TRHDE: variants seen among roughly 807,000 people sequenced by gnomAD.
TRHDE encodes the protein thyrotropin-releasing hormone-degrading ectoenzyme.
A neutral mutation model predicts 125.7 loss-of-function variants in TRHDE; 72 were observed. The ratio of observed to expected loss-of-function variants is 0.57; its 90% CI spans 0.47 to 0.70. The LOEUF is 0.70. TRHDE is among the 30% of genes least tolerant of loss of function. The probability of loss-of-function intolerance (pLI) is 0.00; values close to 1 mark genes in which losing one functional copy is unlikely to be tolerated. For synonymous variants in TRHDE, 509 were observed against 509.1 expected (o/e 1.00, Z 0.00); for missense variants, 1,110 against 1,327.1 (o/e 0.84, Z 2.54).
intron 3 of TRHDE, among the ~76,000 whole-genome samples, chr12:72,458,074 A>T (rs1166080109): frequency 6.6e-6 from 1 of 152,148 alleles, no homozygotes; most frequent in Non-Finnish European, 1.5e-5. Flanking sequence ...AGAGCCGATT[A>T]TGAGAACCCC....
intron 2 of TRHDE, among the ~76,000 whole-genome samples, chr12:72,178,081 T>A (rs1220852781): frequency 6.6e-6 from 1 of 152,172 alleles, no homozygotes; most frequent in Admixed American, 6.5e-5. Flanking sequence ...CACCATTAAT[T>A]GAAATGTTTG....
chr12:72,159,406 A>G (rs1302631758), intron 2 of TRHDE, among the ~76,000 whole-genome samples: 1 of 152,236 alleles, frequency 6.6e-6, no homozygotes, highest in African/African-American at 2.4e-5. Flanking sequence ...GGAATGACCC[A>G]GCCACATGAA....
chr12:72,603,575 A>T (rs1451917732), intron 12 of TRHDE, among the ~76,000 whole-genome samples: 1 of 152,040 alleles, frequency 6.6e-6, no homozygotes. Context: ...AATACAAAAA[A>T]TTAGCCGGGC....
chr12:72,248,372 C>T (rs1233820563), intron 2 of TRHDE, among the ~76,000 whole-genome samples: 10 of 141,396 alleles, frequency 7.1e-5, no homozygotes, highest in Admixed American at 3.0e-4. Context: ...GAGCCGAGAT[C>T]GCGCCACTGC....
At chr12:72,317,862 A>T (rs1296933320) in intron 2 of TRHDE, among the ~76,000 whole-genome samples, 1 of 152,128 alleles carries the variant, frequency 6.6e-6, no homozygotes, top group Non-Finnish European at 1.5e-5. Flanking sequence ...CTGTGGTAAG[A>T]CGTTCAAGAT....
chr12:72,515,571 T>C (rs568793619), intron 6 of TRHDE, among the ~76,000 whole-genome samples: 1 of 152,184 alleles, frequency 6.6e-6, no homozygotes, highest in Non-Finnish European at 1.5e-5. Flanking sequence ...TTGCGAAAAT[T>C]TTCTCCCATG....
intron 2 of TRHDE, among the ~76,000 whole-genome samples, chr12:72,311,929 T>C (rs1692012518): frequency 6.6e-6 from 1 of 152,146 alleles, no homozygotes; most frequent in Non-Finnish European, 1.5e-5. Context: ...TTTATTCGTA[T>C]TTTCTTCATT....
chr12:72,283,619 T>A (rs1194292542), intron 1 of TRHDE, among the ~76,000 whole-genome samples: 2 of 152,148 alleles, frequency 1.3e-5, no homozygotes, highest in Non-Finnish European at 1.5e-5. Context: ...AATTGCTACC[T>A]TCCCTAACAT....
At chr12:72,562,827 T>C (rs527410091) in intron 8 of TRHDE, 26 bp from the exon 9 acceptor site, 5 of 1,442,580 alleles carry the variant, frequency 3.5e-6, no homozygotes, top group South Asian at 1.3e-5. Flanking sequence ...TTTATAAAAC[T>C]AATTTGTACA....
At chr12:72,134,935 G>A (rs1875946807) in intron 2 of TRHDE, among the ~76,000 whole-genome samples, 1 of 151,950 alleles carries the variant, frequency 6.6e-6, no homozygotes, top group Non-Finnish European at 1.5e-5. Context: ...CCAACAAAAT[G>A]GTAATATGTC....
At chr12:72,225,826 C>T (rs1878117932) in intron 2 of TRHDE, among the ~76,000 whole-genome samples, 1 of 152,052 alleles carries the variant, frequency 6.6e-6, no homozygotes. Context: ...TTGTATTTTT[C>T]CCAGGGGTTG....
chr12:72,651,055 A>ATGTC (rs1171258758), intron 15 of TRHDE, among the ~76,000 whole-genome samples: 1 of 152,140 alleles, frequency 6.6e-6, no homozygotes, highest in African/African-American at 2.4e-5. Context: ...GGTTTATTCT[A>ATGTC]TGTCTGTGTT....
intron 12 of TRHDE, among the ~76,000 whole-genome samples, chr12:72,588,672 C>G (rs1380696301): frequency 1.3e-5 from 2 of 151,882 alleles, no homozygotes; most frequent in Non-Finnish European, 2.9e-5. Context: ...AAGCAGGGAG[C>G]CTAGTTAGAA....
chr12:72,304,019 T>A (rs1478517239), intron 2 of TRHDE, among the ~76,000 whole-genome samples: 1 of 152,088 alleles, frequency 6.6e-6, no homozygotes, highest in South Asian at 2.1e-4. Flanking sequence ...ATTTTATAGA[T>A]GAGGAAATGG....
chr12:72,393,065 A>G (rs1464379794), intron 3 of TRHDE, among the ~76,000 whole-genome samples: 1 of 152,182 alleles, frequency 6.6e-6, no homozygotes, highest in Non-Finnish European at 1.5e-5. Flanking sequence ...TGTTTCATAT[A>G]TTGTATATTT....
intron 7 of TRHDE, among the ~76,000 whole-genome samples, chr12:72,561,912 T>C (rs3817612): frequency 0.42 from 63,471 of 151,780 alleles, 16,478 homozygotes; most frequent in African/African-American, 0.73. Context: ...GATCTTTGAC[T>C]CTGAATATCT....
intron 2 of TRHDE, among the ~76,000 whole-genome samples, chr12:72,295,333 C>T (rs942805973): frequency 4.6e-5 from 7 of 152,124 alleles, no homozygotes; most frequent in Admixed American, 6.5e-5. Flanking sequence ...GCCCTGGCCG[C>T]GCCTCCCTGA....
intron 6 of TRHDE, among the ~76,000 whole-genome samples, chr12:72,516,920 T>C (rs1878895574): frequency 6.6e-6 from 1 of 152,156 alleles, no homozygotes; most frequent in Non-Finnish European, 1.5e-5. Context: ...TTTTTGTCTT[T>C]GGTTCTGTTT....
At chr12:72,274,179 G>A (rs905733244) in intron 1 of TRHDE, among the ~76,000 whole-genome samples, 12 of 152,172 alleles carry the variant, frequency 7.9e-5, no homozygotes, top group African/African-American at 2.9e-4. Context: ...CGGGGGTGGA[G>A]GTTGCCAAGG....
Sources: gnomAD v4.1 joint callset for allele counts (sites outside exome capture counted in the v4.1 genomes callset) on GRCh38, gnomAD v4.1.1 for gene constraint, MANE v1.5 for transcripts, NCBI Gene and HGNC (gene_info 2026-07-23, HGNC 2026-07-21) for gene names.